The following MRM3 variants were observed in gnomAD, a reference collection of about 807,000 sequenced individuals.
The protein encoded by MRM3 is mitochondrial rRNA methyltransferase 3.
In MRM3, 26 loss-of-function variants were observed where a neutral mutation model predicts 29.4. That is an observed-to-expected ratio of 0.89 (90% CI 0.65 to 1.23). The LOEUF is 1.23. MRM3 is among the 50% of genes most tolerant of loss of function. The pLI is 0.00. For synonymous variants in MRM3, 225 were observed against 219.0 expected (o/e 1.03, Z -0.24); for missense variants, 578 against 540.2 (o/e 1.07, Z -0.69).
Position 788,050 on chromosome 17 carries a change from C to T in MRM3, c.645C>T (p.Asp215=), listed in dbSNP as rs144796396. The T allele has an allele frequency of 3.7e-5, 60 of 1,614,024 alleles. No individual in the cohort carries two copies. Among genetic ancestry groups the T allele is most frequent in the Non-Finnish European group, 4.8e-5 (57 of 1,179,992 alleles). ...QHSLPLLLIC[D]NLRDPGNLGT... The stretch of plus-strand genomic sequence containing the variant: ...CACTGCCTTTATTATTGATTTGTGA[C>T]AATCTCCGTGACCCTGGGAACCTGG... Residue 215 remains aspartate, a synonymous_variant, in exon 3 of 4, where the codon GAC becomes GAT. Coordinates refer to ENST00000304478, the MANE Select transcript of MRM3 (RefSeq NM_018146.4).
chr17:783,349 CTTTT>C, intron 2 of MRM3, 22 bp downstream of exon 2: 2 of 1,325,192 alleles, frequency 1.5e-6, no homozygotes, highest in Non-Finnish European at 2.0e-6. Context: ...CCCAGTGTAT[CTTTT>C]TTTTTTTTTG....
intron 2 of MRM3, among the ~76,000 whole-genome samples, chr17:785,797 A>C (rs1158858433): frequency 6.6e-6 from 1 of 152,250 alleles, no homozygotes; most frequent in African/African-American, 2.4e-5. Flanking sequence ...ATGAGTGATA[A>C]AGGAAAGATA....
At chr17:791,497 T>C in intron 3 of MRM3, 37 bp from the exon 4 acceptor site, 1 of 1,592,196 alleles carries the variant, frequency 6.3e-7, no homozygotes, top group African/African-American at 1.3e-5. Context: ...TCTGGGAAGA[T>C]TTGTAACATC....
chr17:787,908 T>C lies in MRM3; in HGVS notation c.560-57T>C. ...TCAAGATTGATAAGTAAATGAAAAG[T>C]CAGACTATTCCCCGTGCCCACACCA... On this transcript the variant is annotated intron_variant, in intron 2 of 3. Transcript: ENST00000304478. The surrounding 1 kb of genome is among the most constrained non-coding windows in gnomAD (Gnocchi z 4.1). 6.6e-7 allele frequency: 1 copy of C among 1,518,890 alleles called. No individual in the cohort carries two copies. The highest frequency in any genetic ancestry group is 1.1e-5 in the South Asian group (1 of 88,758). The allele number at this position is 1,518,890 out of a possible 1,614,324, so 94.1% of individuals were successfully genotyped here.
intron 3 of MRM3, among the ~76,000 whole-genome samples, chr17:790,682 GC>G: frequency 1.6e-5 from 1 of 62,182 alleles, no homozygotes; most frequent in South Asian, 4.3e-4. Context: ...CCGCTGATTG[GC>G]CAGCTCACCT....
At position 791,657 on chromosome 17, in the gene MRM3, T is replaced by A; in HGVS notation, c.851T>A (p.Val284Asp). Residue 284 changes from valine (V) to aspartate (D), a missense_variant, in exon 4 of 4, where the codon GTC becomes GAC. By Grantham distance (152) the Val-to-Asp change is radical. Coordinates refer to ENST00000304478, the MANE Select transcript of MRM3 (RefSeq NM_018146.4). ...VPNYLPPDTR[V>D]YVADNCGLYA... Reference sequence around the variant, plus strand: ...AATTACCTGCCCCCTGACACTCGGGTCTATGTGGCTGACAACTGTGGCCTT... The same window carrying A: ...AATTACCTGCCCCCTGACACTCGGGACTATGTGGCTGACAACTGTGGCCTT... 1 of 1,614,106 alleles carries A rather than the reference T, an allele frequency of 6.2e-7. No homozygotes were observed. Among genetic ancestry groups the A allele is most frequent in the Non-Finnish European group, 8.5e-7 (1 of 1,180,032 alleles).
intron 2 of MRM3, among the ~76,000 whole-genome samples, chr17:785,515 C>A (rs1056954165): frequency 6.6e-6 from 1 of 152,178 alleles, no homozygotes; most frequent in East Asian, 1.9e-4. Flanking sequence ...TAGTCCCAGA[C>A]CCCATTTTAC....
At chr17:788,298 T>C in intron 3 of MRM3, 166 bp downstream of exon 3, 1 of 635,888 alleles carries the variant, frequency 1.6e-6, no homozygotes, top group Non-Finnish European at 2.7e-6. Flanking sequence ...TGTGGTGGGG[T>C]GTGCCTGTAC....
At chr17:784,753 T>C (rs1214413450) in intron 2 of MRM3, among the ~76,000 whole-genome samples, 3 of 152,190 alleles carry the variant, frequency 2.0e-5, no homozygotes, top group African/African-American at 7.2e-5. Context: ...GCGACATAAG[T>C]AGGGCCTCCG....
At chr17:782,848 C>T (rs1910220896) in intron 1 of MRM3, among the ~76,000 whole-genome samples, 156 bp downstream of exon 1, 1 of 152,226 alleles carries the variant, frequency 6.6e-6, no homozygotes, top group Admixed American at 6.5e-5. Context: ...GAATTAGCTT[C>T]TGTTTCTCCT....
At chr17:790,683 C>T (rs1597598292) in intron 3 of MRM3, among the ~76,000 whole-genome samples, 1 of 73,928 alleles carries the variant, frequency 1.4e-5, no homozygotes. Flanking sequence ...CGCTGATTGG[C>T]CAGCTCACCT....
chr17:785,894 A>C (rs2144520624), intron 2 of MRM3, among the ~76,000 whole-genome samples: 1 of 152,366 alleles, frequency 6.6e-6, no homozygotes, highest in South Asian at 2.1e-4. Context: ...GAAGATGGGC[A>C]CAGGTTGTAG....
intron 1 of MRM3, 67 bp from the exon 2 acceptor site, chr17:783,016 A>G (rs767601311): frequency 9.8e-5 from 152 of 1,543,844 alleles, no homozygotes; most frequent in Non-Finnish European, 1.3e-4. Flanking sequence ...TTCTGTTACA[A>G]CTAAGCGTGT....
At position 791,969 on chromosome 17, in the gene MRM3, G is replaced by A; in HGVS notation, c.1163G>A (p.Ser388Asn). ...LLIPVVPGVDSLNSAMAASIL... is the reference protein window; with the variant it reads ...LLIPVVPGVDNLNSAMAASIL... The stretch of plus-strand genomic sequence containing the variant: ...ATCCCCGTTGTGCCTGGTGTGGACA[G>A]CCTCAACTCGGCCATGGCGGCAAGC... Residue 388 changes from serine to asparagine, a missense_variant, in exon 4 of 4, where the codon AGC (serine) becomes AAC (asparagine). Transcript: ENST00000304478. 6.2e-7 allele frequency: 1 copy of A among 1,614,068 alleles called. No individual in the cohort carries two copies. The highest frequency in any genetic ancestry group is 8.5e-7 in the Non-Finnish European group (1 of 1,180,040).
chr17:792,209 A>G lies in MRM3; in HGVS notation c.*140A>G. The G allele has an allele frequency of 1.3e-6, 1 of 794,144 alleles. No homozygotes were observed. The highest frequency in any genetic ancestry group is 2.8e-5 in the East Asian group (1 of 36,098). 49.2% of individuals were successfully genotyped at this position (794,144 alleles called of 1,614,324 possible). A position where few individuals can be genotyped will look rare whatever the true frequency, so the allele number is the denominator to read the frequency against. On this transcript the variant is annotated 3_prime_UTR_variant, in exon 4 of 4. Transcript: ENST00000304478. ...ATGCCGTCATACAGTTACAGGAAAAATAAGAACTTCCTCAGAAAGAACAGG... is the reference window on the plus strand; with the variant it reads ...ATGCCGTCATACAGTTACAGGAAAAGTAAGAACTTCCTCAGAAAGAACAGG...
In MRM3 at chr17:788,143, C is replaced by A. The variant is rs1910627106; in HGVS notation, c.727+11C>A. Reference sequence around the variant, plus strand: ...TGTTACTCACCAAAGGTAAGGACATCAAAGGCCAGGCATAGTGGCTCACAC... The same window carrying A: ...TGTTACTCACCAAAGGTAAGGACATAAAAGGCCAGGCATAGTGGCTCACAC... On this transcript the variant is annotated intron_variant, in intron 3 of 3. Coordinates refer to ENST00000304478, the MANE Select transcript of MRM3 (RefSeq NM_018146.4). The A allele has an allele frequency of 6.2e-7, 1 of 1,613,514 alleles. No homozygotes were observed. Among genetic ancestry groups the A allele is most frequent in the South Asian group, 1.1e-5 (1 of 91,032 alleles).
At position 783,320 on chromosome 17, in the gene MRM3, A is replaced by G. The variant is rs757923710; in HGVS notation, c.552A>G (p.Gly184=). 9.3e-6 allele frequency: 15 copies of G among 1,610,264 alleles called. No individual in the cohort carries two copies. Among genetic ancestry groups the G allele is most frequent in the African/African-American group, 2.7e-5 (2 of 74,464 alleles). ...GGTCCGACCTCGTAACGCCACAAGGAATAATGGGTTAGTGATTACCCAGTG... is the reference window on the plus strand; with the variant it reads ...GGTCCGACCTCGTAACGCCACAAGGGATAATGGGTTAGTGATTACCCAGTG... ...KDWSDLVTPQ[G]IMGIFAKPDH... The change falls in exon 2 of 4, where the codon GGA becomes GGG. Residue 184 remains glycine (G), a synonymous_variant. Coordinates refer to ENST00000304478, the MANE Select transcript of MRM3 (RefSeq NM_018146.4).
In MRM3 at chr17:782,557, A is replaced by G; in HGVS notation, c.179A>G (p.Lys60Arg). The G allele has an allele frequency of 1.9e-6, 3 of 1,614,064 alleles. No individual in the cohort carries two copies. Among genetic ancestry groups the G allele is most frequent in the Non-Finnish European group, 2.5e-6 (3 of 1,179,940 alleles). Residue 60 changes from lysine to arginine, a missense_variant, in exon 1 of 4, where the codon AAG (lysine) becomes AGG (arginine). Lys to Arg is a conservative substitution (Grantham distance 26). Transcript: ENST00000304478. The stretch of plus-strand genomic sequence containing the variant: ...CGCGCTCCTGGGAAGCAGCCCCGCA[A>G]GGCACCATCTGAGGCCAGTGCCCAG... Reference protein sequence around the residue: ...QKRAPGKQPRKAPSEASAQEQ... With the variant: ...QKRAPGKQPRRAPSEASAQEQ...
Position 782,372 on chromosome 17 carries a change from A to T in MRM3, c.-7A>T. ...GCTTTCGTGACGCAGCCCGGGTCTCAGGGAACATGGCGGCGCTGGTGAGAC... is the reference window on the plus strand; with the variant it reads ...GCTTTCGTGACGCAGCCCGGGTCTCTGGGAACATGGCGGCGCTGGTGAGAC... On this transcript the variant is annotated 5_prime_UTR_variant, in exon 1 of 4. Coordinates refer to ENST00000304478, the MANE Select transcript of MRM3 (RefSeq NM_018146.4). 1 of 1,613,514 alleles carries T rather than the reference A, an allele frequency of 6.2e-7. No homozygotes were observed. The highest frequency in any genetic ancestry group is 8.5e-7 in the Non-Finnish European group (1 of 1,179,798).
Sources: allele counts gnomAD v4.1 joint callset (sites outside exome capture counted in the v4.1 genomes callset), GRCh38; gene constraint gnomAD v4.1.1; non-coding constraint Gnocchi (gnomAD v3.1); transcripts MANE v1.5; gene names NCBI Gene and HGNC (gene_info 2026-07-23, HGNC 2026-07-21).